Variants in RALGAPA2 observed in about 807,000 individuals in gnomAD.
The protein encoded by RALGAPA2 is ral GTPase-activating protein subunit alpha-2.
Under a neutral mutation model 230.4 loss-of-function variants are expected in RALGAPA2, and 139 were observed. The ratio of observed to expected loss-of-function variants is 0.60; its 90% confidence interval spans 0.53 to 0.69. The LOEUF (loss-of-function observed/expected upper bound fraction) is 0.69, where lower values mean the gene tolerates loss of function less well. Ranked by LOEUF, RALGAPA2 falls within the 30% of genes least tolerant of loss-of-function variation. The probability of loss-of-function intolerance (pLI) is 0.00; values close to 1 mark genes in which losing one functional copy is unlikely to be tolerated. For missense variants in RALGAPA2, 2,163 were observed against 2,276.0 expected (o/e 0.95, Z 1.01); for synonymous variants, 847 against 837.8 (o/e 1.01, Z -0.19).
At chr20:20,417,812 T>C (rs1263627253) in intron 37 of RALGAPA2, among the ~76,000 whole-genome samples, 1 of 152,228 alleles carries the variant, frequency 6.6e-6, no homozygotes, top group Non-Finnish European at 1.5e-5. Flanking sequence ...TTCGTGTCCA[T>C]TGCTTTAAGC....
chr20:20,481,811 C>T (rs2061781874), intron 36 of RALGAPA2, among the ~76,000 whole-genome samples: 1 of 152,186 alleles, frequency 6.6e-6, no homozygotes, highest in Non-Finnish European at 1.5e-5. Flanking sequence ...ATTCTTTATG[C>T]TCTTATCAAC....
At chr20:20,630,808 C>T (rs1289983314) in intron 9 of RALGAPA2, among the ~76,000 whole-genome samples, 3 of 152,100 alleles carry the variant, frequency 2.0e-5, no homozygotes, top group African/African-American at 4.8e-5. Context: ...CATATACACA[C>T]GCATATATGT....
rs144263379 is a variant in RALGAPA2 at position 20,655,945 on chromosome 20, G to A, written c.271-2358C>T. On this transcript the variant is annotated intron_variant, in intron 3 of 39. Coordinates refer to ENST00000202677, the MANE Select transcript of RALGAPA2 (RefSeq NM_020343.4). ...CAAATCCAGATGCAATCTTAGACCC[G>A]AGGAGAATAAGCTGTCAAGTTTGAT... Among the ~76,000 whole-genome samples the A allele has an allele frequency of 7.9e-5, 12 of 152,274 alleles. No individual in the cohort carries two copies. In the East Asian group the frequency reaches 2.3e-3, roughly 29 times the overall value.
chr20:20,535,205 C>T (rs935344176), intron 26 of RALGAPA2, among the ~76,000 whole-genome samples: 1 of 152,102 alleles, frequency 6.6e-6, no homozygotes, highest in Non-Finnish European at 1.5e-5. Flanking sequence ...CAGGTGTTCC[C>T]CTCCATTAGC....
chr20:20,518,911 A>C (rs760457518), intron 31 of RALGAPA2, among the ~76,000 whole-genome samples: 4 of 152,218 alleles, frequency 2.6e-5, no homozygotes, highest in Non-Finnish European at 5.9e-5. Flanking sequence ...ATAGATTAAG[A>C]GTTGTTTCAA....
intron 23 of RALGAPA2, among the ~76,000 whole-genome samples, chr20:20,559,585 G>A (rs564000681): frequency 1.3e-5 from 2 of 152,250 alleles, no homozygotes; most frequent in African/African-American, 4.8e-5. Flanking sequence ...ATAGCTTGCT[G>A]CTTCAAATTC....
chr20:20,450,859 T>TA (rs2060972796), intron 37 of RALGAPA2, among the ~76,000 whole-genome samples: 1 of 152,240 alleles, frequency 6.6e-6, no homozygotes, highest in African/African-American at 2.4e-5. Context: ...ATGCAGACAC[T>TA]AACTACTGAC....
At chr20:20,521,834 C>A (rs1385884453) in intron 30 of RALGAPA2, among the ~76,000 whole-genome samples, 1 of 152,030 alleles carries the variant, frequency 6.6e-6, no homozygotes, top group Non-Finnish European at 1.5e-5. Flanking sequence ...AAGAAAACAC[C>A]ATTGGGTTAA....
chr20:20,584,556 G>A lies in RALGAPA2; in HGVS notation c.2530+309C>T, dbSNP rs148514128. Among the ~76,000 whole-genome samples, 815 of 152,340 alleles carry A rather than the reference G, an allele frequency of 5.3e-3. 6 individuals carry two copies. Among genetic ancestry groups the A allele is most frequent in the African/African-American group, 0.019 (777 of 41,578 alleles). Reference sequence around the variant, plus strand: ...CAAGTTAGAAGGTAAAAAGTGGGAAGATGGCTTGAGCCCAGTCATTCAAAA... The same window carrying A: ...CAAGTTAGAAGGTAAAAAGTGGGAAAATGGCTTGAGCCCAGTCATTCAAAA... On this transcript the variant is annotated intron_variant, in intron 19 of 39. Coordinates refer to ENST00000202677, the MANE Select transcript of RALGAPA2 (RefSeq NM_020343.4).
intron 24 of RALGAPA2, among the ~76,000 whole-genome samples, chr20:20,541,882 G>A (rs977474170): frequency 2.0e-5 from 3 of 152,030 alleles, no homozygotes; most frequent in African/African-American, 7.3e-5. Flanking sequence ...AAACTCTCTT[G>A]GTAAATAATG....
chr20:20,712,549 G>T lies in RALGAPA2; in HGVS notation c.-69C>A. 1 of 1,436,146 alleles carries T rather than the reference G, an allele frequency of 7.0e-7. No homozygotes were observed. The highest frequency in any genetic ancestry group is 9.1e-7 in the Non-Finnish European group (1 of 1,097,518). The allele number at this position is 1,436,146 out of a possible 1,614,324, so 89.0% of individuals were successfully genotyped here. A position where few individuals can be genotyped will look rare whatever the true frequency, so the allele number is the denominator to read the frequency against. ...CCTGCGCCACGCGAATCAAAGCATA[G>T]GGTCGAGGCCGGCGCGTGTCGCGCG... On this transcript the variant is annotated 5_prime_UTR_variant, in exon 1 of 40. Coordinates refer to ENST00000202677, the MANE Select transcript of RALGAPA2 (RefSeq NM_020343.4). The surrounding 1 kb of genome is among the most constrained non-coding windows in gnomAD (Gnocchi z 5.5).
At chr20:20,628,943 T>C (rs567544728) in intron 10 of RALGAPA2, among the ~76,000 whole-genome samples, 3 of 151,882 alleles carry the variant, frequency 2.0e-5, no homozygotes, top group Non-Finnish European at 2.9e-5. Context: ...CTCTGCAGAG[T>C]TTTTGCAGAA....
intron 12 of RALGAPA2, among the ~76,000 whole-genome samples, chr20:20,617,245 A>G (rs1044643973): frequency 6.6e-6 from 1 of 152,224 alleles, no homozygotes; most frequent in African/African-American, 2.4e-5. Flanking sequence ...GTACAATCTG[A>G]CGAAATTAAA....
chr20:20,396,572 G>T, intron 39 of RALGAPA2, 123 bp downstream of exon 39: 1 of 864,008 alleles, frequency 1.2e-6, no homozygotes, highest in Non-Finnish European at 1.7e-6. Context: ...CCGGGGAGGG[G>T]AAGGCCCAGG....
At chr20:20,633,654 A>G (rs1481486943) in intron 9 of RALGAPA2, among the ~76,000 whole-genome samples, 2 of 151,586 alleles carry the variant, frequency 1.3e-5, no homozygotes, top group East Asian at 3.9e-4. Flanking sequence ...CGCCCGGCTA[A>G]TTTTTACTAG....
At chr20:20,561,468 TG>T (rs762966283) in intron 23 of RALGAPA2, among the ~76,000 whole-genome samples, 1 of 152,238 alleles carries the variant, frequency 6.6e-6, no homozygotes, top group African/African-American at 2.4e-5. Flanking sequence ...CTTTCTACTT[TG>T]GGCTTCCAGA....
chr20:20,405,788 A>C (rs2059932815), intron 38 of RALGAPA2, among the ~76,000 whole-genome samples: 2 of 152,128 alleles, frequency 1.3e-5, no homozygotes, highest in Non-Finnish European at 2.9e-5. Context: ...GCCCACTTTC[A>C]CTAAGAGACT....
chr20:20,518,168 G>C (rs2062931047), intron 31 of RALGAPA2, among the ~76,000 whole-genome samples: 2 of 151,972 alleles, frequency 1.3e-5, no homozygotes, highest in South Asian at 4.1e-4. Flanking sequence ...TGATTCTCCT[G>C]CCTCAGCCTC....
intron 1 of RALGAPA2, 82 bp from the exon 2 acceptor site, chr20:20,680,883 G>C: frequency 6.7e-7 from 1 of 1,495,070 alleles, no homozygotes; most frequent in Non-Finnish European, 8.9e-7. Context: ...AGAAAAGAAG[G>C]CAAGTACAAC....
Sources: gnomAD v4.1 joint callset for allele counts (sites outside exome capture counted in the v4.1 genomes callset) on GRCh38, gnomAD v4.1.1 for gene constraint, Gnocchi (gnomAD v3.1) non-coding constraint, MANE v1.5 for transcripts, NCBI Gene and HGNC (gene_info 2026-07-23, HGNC 2026-07-21) for gene names.